TEAD1: variants seen among roughly 807,000 people sequenced by gnomAD.
TEAD1 encodes TEA domain transcription factor 1, also known as transcriptional enhancer factor TEF-1.
Under a neutral mutation model 54.9 loss-of-function variants are expected in TEAD1, and 9 were observed. The observed-to-expected ratio is 0.16, with a 90% CI of 0.10 to 0.29. TEAD1 has a LOEUF of 0.29. Ranked by LOEUF, TEAD1 falls within the 10% of genes least tolerant of loss-of-function variation. TEAD1 has a pLI of 1.00. For missense variants in TEAD1, 387 were observed against 535.9 expected, an observed-to-expected ratio of 0.72 and a Z score of 2.74; for synonymous variants, 200 against 187.8, an observed-to-expected ratio of 1.07 and a Z score of -0.53.
At chr11:12,696,255 T>A (rs536683686) in intron 2 of TEAD1, among the ~76,000 whole-genome samples, 1 of 152,328 alleles carries the variant, frequency 6.6e-6, no homozygotes, top group African/African-American at 2.4e-5. Context: ...ATACTTTCTA[T>A]AGTAGGACCA....
chr11:12,716,079 T>C (rs1382469967), intron 2 of TEAD1, among the ~76,000 whole-genome samples: 1 of 151,876 alleles, frequency 6.6e-6, no homozygotes, highest in East Asian at 1.9e-4. Flanking sequence ...AGAGAGGTCA[T>C]AGCCTGGTGA....
chr11:12,916,378 T>C (rs1948712492), intron 10 of TEAD1, among the ~76,000 whole-genome samples: 1 of 152,152 alleles, frequency 6.6e-6, no homozygotes, highest in Admixed American at 6.5e-5. Context: ...CTTTATCGTG[T>C]TTATTGATTA....
rs940847135 is a variant in TEAD1, at chr11:12,942,132, T to C, written c.*4910T>C. On this transcript the variant is annotated 3_prime_UTR_variant, in exon 13 of 13. Transcript: ENST00000527636. ...AAGGTTGCAACTTCATAGTTTACTA[T>C]GAAAAGCAAATTGTACTTTTTAATG... The C allele has an allele frequency of 2.6e-5, 4 of 152,664 alleles. No individual in the cohort carries two copies. The highest frequency in any genetic ancestry group is 4.4e-5 in the Non-Finnish European group (3 of 68,052). The allele number at this position is 152,664 out of a possible 1,614,324, so 9.5% of individuals were successfully genotyped here. A position where few individuals can be genotyped will look rare whatever the true frequency, so the allele number is the denominator to read the frequency against.
At chr11:12,862,812 C>T (rs563808193) in intron 4 of TEAD1, among the ~76,000 whole-genome samples, 2 of 152,236 alleles carry the variant, frequency 1.3e-5, no homozygotes, top group South Asian at 2.1e-4. Context: ...GCTTTTTAAG[C>T]GATGGCTTTT....
chr11:12,744,964 G>GTGCTC (rs1162859898), intron 2 of TEAD1, among the ~76,000 whole-genome samples: 3 of 152,194 alleles, frequency 2.0e-5, no homozygotes, highest in Non-Finnish European at 4.4e-5. Context: ...TCCCTGAGCT[G>GTGCTC]TGCTCTGCTC....
At chr11:12,786,948 G>T (rs752843619) in intron 3 of TEAD1, among the ~76,000 whole-genome samples, 1 of 152,202 alleles carries the variant, frequency 6.6e-6, no homozygotes, top group Non-Finnish European at 1.5e-5. Context: ...GCTCGGGCAT[G>T]CCTCATGTGT....
At chr11:12,700,009 C>T (rs927625062) in intron 2 of TEAD1, among the ~76,000 whole-genome samples, 3 of 152,174 alleles carry the variant, frequency 2.0e-5, no homozygotes, top group African/African-American at 7.2e-5. Flanking sequence ...GTTGTCAACC[C>T]ACACATTATT....
At chr11:12,824,530 G>A (rs968826605) in intron 3 of TEAD1, among the ~76,000 whole-genome samples, 1 of 152,342 alleles carries the variant, frequency 6.6e-6, no homozygotes, top group African/African-American at 2.4e-5. Flanking sequence ...GATACTGCCC[G>A]ATTGTTTCCA....
intron 2 of TEAD1, among the ~76,000 whole-genome samples, chr11:12,758,617 C>T (rs4439495): frequency 0.11 from 17,110 of 151,922 alleles, 3,292 homozygotes; most frequent in African/African-American, 0.39. Flanking sequence ...GGTTTCATCA[C>T]GTTAGCCAGG....
At chr11:12,855,478 T>C (rs951142690) in intron 3 of TEAD1, among the ~76,000 whole-genome samples, 1 of 151,790 alleles carries the variant, frequency 6.6e-6, no homozygotes, top group African/African-American at 2.4e-5. Flanking sequence ...TTAGTAGAGA[T>C]GGGGTTTCAC....
chr11:12,839,283 C>T (rs969897979), intron 3 of TEAD1, among the ~76,000 whole-genome samples: 6 of 152,032 alleles, frequency 3.9e-5, no homozygotes, highest in Non-Finnish European at 7.4e-5. Flanking sequence ...TGGTAATGCA[C>T]GCCTGTAGTC....
At chr11:12,923,948 G>A (rs559774989) in intron 10 of TEAD1, among the ~76,000 whole-genome samples, 3 of 152,292 alleles carry the variant, frequency 2.0e-5, no homozygotes, top group Admixed American at 1.3e-4. Context: ...TTTCCCCAGT[G>A]GACATTGCAT....
At chr11:12,800,325 C>T (rs1230607300) in intron 3 of TEAD1, among the ~76,000 whole-genome samples, 2 of 152,200 alleles carry the variant, frequency 1.3e-5, no homozygotes, top group Admixed American at 1.3e-4. Context: ...CATAAATTAT[C>T]CAAAGGATCT....
intron 2 of TEAD1, among the ~76,000 whole-genome samples, chr11:12,719,997 G>T (rs1205740347): frequency 0.019 from 512 of 26,800 alleles, 105 homozygotes; most frequent in Admixed American, 0.027. Flanking sequence ...TTTTTTTTGG[G>T]GGGGGACCCA....
intron 3 of TEAD1, among the ~76,000 whole-genome samples, chr11:12,807,798 G>A (rs745976696): frequency 1.3e-5 from 2 of 152,184 alleles, no homozygotes; most frequent in Non-Finnish European, 2.9e-5. Context: ...GAAGTAGGTC[G>A]TGCTTTGAAG....
At chr11:12,700,375 C>T (rs924597636) in intron 2 of TEAD1, among the ~76,000 whole-genome samples, 6 of 152,186 alleles carry the variant, frequency 3.9e-5, no homozygotes, top group Non-Finnish European at 8.8e-5. Context: ...AAATACCCAA[C>T]CTGTGTGCAC....
intron 3 of TEAD1, among the ~76,000 whole-genome samples, chr11:12,814,777 CTGTGTG>C (rs397842274): frequency 0.011 from 1,211 of 105,952 alleles, 13 homozygotes; most frequent in Middle Eastern, 0.042. Context: ...TCGCAGAGCT[CTGTGTG>C]TGTGTGTGTG....
chr11:12,928,376 G>T (rs1948941780), intron 11 of TEAD1, among the ~76,000 whole-genome samples: 1 of 151,290 alleles, frequency 6.6e-6, no homozygotes, highest in Admixed American at 6.6e-5. Context: ...AGCCTCACTG[G>T]GCTCAAGCAA....
chr11:12,825,518 T>G (rs1280068652), intron 3 of TEAD1, among the ~76,000 whole-genome samples: 2 of 152,224 alleles, frequency 1.3e-5, no homozygotes, highest in Non-Finnish European at 2.9e-5. Flanking sequence ...AAGACTAGTT[T>G]ATTGCTAAAT....
Sources: gnomAD v4.1 joint callset for allele counts (sites outside exome capture counted in the v4.1 genomes callset) on GRCh38, gnomAD v4.1.1 for gene constraint, MANE v1.5 for transcripts, NCBI Gene and HGNC (gene_info 2026-07-23, HGNC 2026-07-21) for gene names.